WASF2: variants seen among roughly 807,000 people sequenced by gnomAD.
The protein encoded by WASF2 is WASP family member 2.
WASF2 carries 14 observed loss-of-function variants against 45.0 expected under a neutral mutation model. That is an observed-to-expected ratio of 0.31 (90% CI 0.21 to 0.49). The LOEUF (loss-of-function observed/expected upper bound fraction) is 0.49. WASF2 is among the 20% of genes least tolerant of loss of function. The pLI, the probability that WASF2 is intolerant of heterozygous loss-of-function variation, is 0.99. For missense variants in WASF2, 439 were observed against 636.1 expected, an observed-to-expected ratio of 0.69 and a Z score of 3.33; for synonymous variants, 200 against 236.3, an observed-to-expected ratio of 0.85 and a Z score of 1.41.
intron 1 of WASF2, among the ~76,000 whole-genome samples, chr1:27,467,596 T>C (rs376851751): frequency 6.6e-6 from 1 of 150,402 alleles, no homozygotes; most frequent in East Asian, 2.0e-4. Flanking sequence ...CCACCACGCC[T>C]AGCCAAAATA....
At chr1:27,453,314 G>C (rs967018596) in intron 1 of WASF2, among the ~76,000 whole-genome samples, 1 of 147,028 alleles carries the variant, frequency 6.8e-6, no homozygotes, top group African/African-American at 2.5e-5. Context: ...GAATACTGCC[G>C]GGAGTGGTGG....
chr1:27,419,643 C>T (rs750499968), intron 2 of WASF2, among the ~76,000 whole-genome samples: 1 of 152,132 alleles, frequency 6.6e-6, no homozygotes, highest in Non-Finnish European at 1.5e-5. Flanking sequence ...TGCCTATAGC[C>T]CTTAGCCTCT....
chr1:27,476,324 C>A (rs1341906898), intron 1 of WASF2, among the ~76,000 whole-genome samples: 4 of 152,182 alleles, frequency 2.6e-5, no homozygotes, highest in Non-Finnish European at 5.9e-5. Context: ...CCAGCATGTG[C>A]TCCTGGGGAG....
chr1:27,448,711 G>A (rs2017342066), intron 1 of WASF2, among the ~76,000 whole-genome samples: 2 of 151,926 alleles, frequency 1.3e-5, no homozygotes, highest in Admixed American at 6.6e-5. Context: ...GTGTGGTGAT[G>A]CATACCCATA....
At chr1:27,419,302 T>C (rs558633298) in intron 2 of WASF2, among the ~76,000 whole-genome samples, 76 of 152,352 alleles carry the variant, frequency 5.0e-4, no homozygotes, top group Admixed American at 2.3e-3. Flanking sequence ...CTATAACTAA[T>C]AGAGTCTTCT....
At position 27,413,918 on chromosome 1, in the gene WASF2, T is replaced by G. The variant is rs77440661; in HGVS notation, c.668+915A>C. Among the ~76,000 whole-genome samples, 677 of 152,316 alleles carry G rather than the reference T, an allele frequency of 4.4e-3. 10 individuals carry two copies. Among genetic ancestry groups the G allele is most frequent in the African/African-American group, 0.016 (654 of 41,552 alleles). On this transcript the variant is annotated intron_variant, in intron 6 of 8. Transcript: ENST00000618852. ...TTTTTCCTTTCACCATCTTCATCAC[T>G]CTTTAAAGCAGATCTCTTAATCCAC...
At chr1:27,460,953 A>G (rs967615833) in intron 1 of WASF2, among the ~76,000 whole-genome samples, 1 of 152,118 alleles carries the variant, frequency 6.6e-6, no homozygotes, top group Admixed American at 6.6e-5. Flanking sequence ...CCTGGCTAAC[A>G]CAGTGAAACT....
intron 1 of WASF2, among the ~76,000 whole-genome samples, chr1:27,452,384 G>T (rs1025099553): frequency 6.6e-6 from 1 of 151,952 alleles, no homozygotes; most frequent in Admixed American, 6.6e-5. Context: ...GTGGTGGTGC[G>T]CACCTGTAGT....
chr1:27,435,340 C>T (rs2017122495), intron 1 of WASF2, among the ~76,000 whole-genome samples: 1 of 152,250 alleles, frequency 6.6e-6, no homozygotes, highest in Middle Eastern at 3.4e-3. Flanking sequence ...AATCCCAACA[C>T]TTTGGGAGCT....
At chr1:27,452,662 C>A (rs1373039263) in intron 1 of WASF2, among the ~76,000 whole-genome samples, 2 of 149,594 alleles carry the variant, frequency 1.3e-5, no homozygotes, top group Admixed American at 1.3e-4. Flanking sequence ...ACTAAAAATA[C>A]AAAAAATTAC....
chr1:27,442,720 G>T (rs2017254156), intron 1 of WASF2, among the ~76,000 whole-genome samples: 1 of 151,232 alleles, frequency 6.6e-6, no homozygotes. Context: ...ACTAGCCAAA[G>T]GGCCGGGCGT....
Position 27,410,461 on chromosome 1 carries a change from G to A in WASF2, c.825-255C>T, listed in dbSNP as rs936102771. On this transcript the variant is annotated intron_variant, in intron 7 of 8. Coordinates refer to ENST00000618852, the MANE Select transcript of WASF2 (RefSeq NM_006990.5). The surrounding 1 kb of genome is among the most constrained non-coding windows in gnomAD (Gnocchi z 4.2). Reference sequence around the variant, plus strand: ...AACTACCTGCAAGAAGTGGACTTGAGATTCCTCTATCAGGTACAGGCTAGC... The same window carrying A: ...AACTACCTGCAAGAAGTGGACTTGAAATTCCTCTATCAGGTACAGGCTAGC... Among the ~76,000 whole-genome samples, 1 of 152,188 alleles carries A rather than the reference G, an allele frequency of 6.6e-6. No individual in the cohort carries two copies. The highest frequency in any genetic ancestry group is 1.5e-5 in the Non-Finnish European group (1 of 68,028).
In WASF2 at chr1:27,456,130, G is replaced by C. The variant is rs2148128081; in HGVS notation, c.-43-27197C>G. On this transcript the variant is annotated intron_variant, in intron 1 of 8. Transcript: ENST00000618852. The stretch of plus-strand genomic sequence containing the variant: ...GAGGTCAGAAGATCGAGACCATCCT[G>C]GCTAACACAATAAAACCCCATCGCT... Among the ~76,000 whole-genome samples, 2 of 152,062 alleles carry C rather than the reference G, an allele frequency of 1.3e-5. 1 individual carries two copies. Among genetic ancestry groups the C allele is most frequent in the South Asian group, 4.2e-4 (2 of 4,798 alleles).
At chr1:27,444,518 C>A (rs999284664) in intron 1 of WASF2, among the ~76,000 whole-genome samples, 1 of 152,140 alleles carries the variant, frequency 6.6e-6, no homozygotes, top group African/African-American at 2.4e-5. Context: ...GGACCTACCT[C>A]CTAGTAATGA....
intron 1 of WASF2, among the ~76,000 whole-genome samples, chr1:27,477,324 G>T (rs1230298213): frequency 6.6e-6 from 1 of 151,978 alleles, no homozygotes; most frequent in Non-Finnish European, 1.5e-5. Context: ...CAGATCACGT[G>T]AGGCCAGGAG....
intron 1 of WASF2, among the ~76,000 whole-genome samples, chr1:27,441,904 G>A (rs1423726196): frequency 6.4e-5 from 9 of 140,062 alleles, no homozygotes; most frequent in African/African-American, 1.9e-4. Flanking sequence ...CCAGCCTGGC[G>A]ACACAACGAG....
intron 1 of WASF2, among the ~76,000 whole-genome samples, chr1:27,487,480 A>AAATATATATTATATAATATTAT (rs1158306152): frequency 1.7e-5 from 2 of 116,184 alleles, no homozygotes; most frequent in East Asian, 4.2e-4. Flanking sequence ...TATTTTATAT[A>AAATATATATTATATAATATTAT]AATATATATT....
At chr1:27,454,153 G>GTATATA (rs869245464) in intron 1 of WASF2, among the ~76,000 whole-genome samples, 22 of 98,674 alleles carry the variant, frequency 2.2e-4, no homozygotes, top group East Asian at 1.2e-3. Context: ...GTGTGTGTGT[G>GTATATA]TATATATATA....
chr1:27,409,976 G>A lies in WASF2; in HGVS notation c.1055C>T (p.Pro352Leu). ...GSPGTPPPPSPPSFPPHPDFA... is the reference protein window; with the variant it reads ...GSPGTPPPPSLPSFPPHPDFA... ...ATCAGGGTGAGGTGGGAAAGATGGGGGTGAGGGTGGTGGAGGCGTCCCTGG... is the reference window on the plus strand; with the variant it reads ...ATCAGGGTGAGGTGGGAAAGATGGGAGTGAGGGTGGTGGAGGCGTCCCTGG... The change falls in exon 8 of 9, where the codon CCC becomes CTC. Residue 352 changes from proline to leucine, a missense_variant. By Grantham distance (98) the Pro-to-Leu change is moderately conservative (BLOSUM62 -3). This residue lies in a region of WASF2 where 286 missense variants were observed against 373.5 expected (regional missense o/e 0.77). Transcript: ENST00000618852. The A allele has an allele frequency of 3.1e-6, 5 of 1,613,602 alleles. No individual in the cohort carries two copies. The highest frequency in any genetic ancestry group is 4.2e-6 in the Non-Finnish European group (5 of 1,179,860).
Sources: allele counts gnomAD v4.1 joint callset (sites outside exome capture counted in the v4.1 genomes callset), GRCh38; gene constraint gnomAD v4.1.1; regional missense constraint gnomAD v4.1.1; non-coding constraint Gnocchi (gnomAD v3.1); transcripts MANE v1.5; gene names NCBI Gene and HGNC (gene_info 2026-07-23, HGNC 2026-07-21).